Variants in CRACD observed in about 807,000 individuals in gnomAD.
CRACD encodes the protein capping protein inhibiting regulator of actin dynamics.
A neutral mutation model predicts 106.8 loss-of-function variants in CRACD; 56 were observed. The ratio of observed to expected loss-of-function variants is 0.52; its 90% CI spans 0.42 to 0.66. CRACD has a LOEUF of 0.66. Among genes scored for constraint, CRACD ranks in the 30% least tolerant of loss-of-function variants. The pLI, the probability that CRACD is intolerant of heterozygous loss-of-function variation, is 0.00. For synonymous variants in CRACD, 754 were observed against 670.8 expected, an observed-to-expected ratio of 1.12 and a Z score of -1.92; for missense variants, 1,730 against 1,623.2, an observed-to-expected ratio of 1.07 and a Z score of -1.13.
intron 1 of CRACD, among the ~76,000 whole-genome samples, chr4:56,080,462 A>G (rs1486979213): frequency 2.0e-5 from 3 of 152,242 alleles, no homozygotes; most frequent in African/African-American, 7.2e-5. Context: ...TTATGACGCA[A>G]GTCCAAAGAT....
At chr4:56,307,473 T>C in intron 4 of CRACD, 62 bp from the exon 5 acceptor site, 1 of 1,561,066 alleles carries the variant, frequency 6.4e-7, no homozygotes, top group Non-Finnish European at 8.8e-7. Context: ...CTGGAGAACC[T>C]GGTTGTGGTG....
At chr4:56,164,035 G>T (rs552248373) in intron 1 of CRACD, among the ~76,000 whole-genome samples, 3 of 150,176 alleles carry the variant, frequency 2.0e-5, no homozygotes, top group African/African-American at 4.9e-5. Context: ...GTGTGAGCCA[G>T]TGCCTGACCT....
chr4:56,215,648 G>C (rs75195010), intron 2 of CRACD, among the ~76,000 whole-genome samples: 3,037 of 152,230 alleles, frequency 0.02, 114 homozygotes, highest in African/African-American at 0.068. Context: ...GTTACACATA[G>C]AGACAGCATA....
chr4:56,162,979 AT>A (rs1431951592), intron 1 of CRACD, among the ~76,000 whole-genome samples: 1 of 152,196 alleles, frequency 6.6e-6, no homozygotes, highest in Non-Finnish European at 1.5e-5. Flanking sequence ...CATTACTTTA[AT>A]GAATGGGCAT....
intron 1 of CRACD, among the ~76,000 whole-genome samples, chr4:56,098,462 C>T (rs1733666260): frequency 6.6e-6 from 1 of 152,102 alleles, no homozygotes; most frequent in African/African-American, 2.4e-5. Context: ...TTGGGTGATT[C>T]TACAAAGTGT....
At chr4:56,055,437 T>G (rs1470735440) in intron 1 of CRACD, among the ~76,000 whole-genome samples, 1 of 132,600 alleles carries the variant, frequency 7.5e-6, no homozygotes, top group Non-Finnish European at 1.6e-5. Flanking sequence ...TCACCATTTG[T>G]GAAAGAGGAA....
chr4:56,124,528 A>C (rs918037025), intron 1 of CRACD, among the ~76,000 whole-genome samples: 1 of 152,208 alleles, frequency 6.6e-6, no homozygotes, highest in Non-Finnish European at 1.5e-5. Flanking sequence ...AATATCTAAT[A>C]TCTAGTCAGT....
At chr4:56,298,107 T>G in intron 3 of CRACD, 107 bp from the exon 4 acceptor site, 37 of 1,263,922 alleles carry the variant, frequency 2.9e-5, no homozygotes, top group Non-Finnish European at 3.5e-5. Context: ...GCTTGCCGAA[T>G]GAGACTGGGA....
At chr4:56,115,843 A>G (rs1734258210) in intron 1 of CRACD, among the ~76,000 whole-genome samples, 1 of 152,186 alleles carries the variant, frequency 6.6e-6, no homozygotes, top group African/African-American at 2.4e-5. Flanking sequence ...ACCAGTGTTA[A>G]TTGTTTTCAT....
intron 1 of CRACD, among the ~76,000 whole-genome samples, chr4:56,108,630 A>G (rs1249839613): frequency 1.3e-5 from 2 of 152,088 alleles, no homozygotes; most frequent in Non-Finnish European, 2.9e-5. Flanking sequence ...GCGCGCTGAT[A>G]TTTATTGCAT....
chr4:56,262,166 G>C (rs1375045953), intron 2 of CRACD, among the ~76,000 whole-genome samples: 1 of 152,172 alleles, frequency 6.6e-6, no homozygotes, highest in Admixed American at 6.5e-5. Context: ...CTGTGGACTT[G>C]GATGTCGGAG....
chr4:56,207,745 C>CATATAT (rs58423475), intron 2 of CRACD, among the ~76,000 whole-genome samples: 4,000 of 105,672 alleles, frequency 0.038, 70 homozygotes, highest in African/African-American at 0.058. Context: ...CTTGTTTTCT[C>CATATAT]ATATATATAT....
At chr4:56,233,654 C>T (rs530574200) in intron 2 of CRACD, among the ~76,000 whole-genome samples, 3 of 152,110 alleles carry the variant, frequency 2.0e-5, no homozygotes, top group African/African-American at 7.2e-5. Context: ...CAGTTTTGTT[C>T]ATCTTTTAAA....
Position 56,327,856 on chromosome 4 carries a change from T to A in CRACD, c.*52T>A, listed in dbSNP as rs1032760804. Reference sequence around the variant, plus strand: ...CCAGTTATTGGCTCCTCTCTTGCCCTTTTTATTTATTTATTTTTTATATGG... The same window carrying A: ...CCAGTTATTGGCTCCTCTCTTGCCCATTTTATTTATTTATTTTTTATATGG... On this transcript the variant is annotated 3_prime_UTR_variant, in exon 11 of 11. Coordinates refer to ENST00000682029, the MANE Select transcript of CRACD (RefSeq NM_001393381.1). 3 of 1,456,362 alleles carry A rather than the reference T, an allele frequency of 2.1e-6. No homozygotes were observed. The highest frequency in any genetic ancestry group is 2.8e-6 in the Non-Finnish European group (3 of 1,066,846). 90.2% of individuals were successfully genotyped at this position (1,456,362 alleles called of 1,614,324 possible).
At chr4:56,162,868 C>A (rs1211170961) in intron 1 of CRACD, among the ~76,000 whole-genome samples, 1 of 152,192 alleles carries the variant, frequency 6.6e-6, no homozygotes, top group Non-Finnish European at 1.5e-5. Flanking sequence ...TGGCAAACTT[C>A]TTCTGTAAAG....
At chr4:56,311,382 C>T (rs1025889047) in intron 6 of CRACD, 3 of 152,192 alleles carry the variant, frequency 2.0e-5, no homozygotes, top group Non-Finnish European at 2.9e-5. Flanking sequence ...ACAGTGCTGC[C>T]GCCCAGACAA....
chr4:56,169,659 G>A (rs1299823881), intron 1 of CRACD, among the ~76,000 whole-genome samples: 1 of 152,074 alleles, frequency 6.6e-6, no homozygotes, highest in Non-Finnish European at 1.5e-5. Context: ...ACCACACCCA[G>A]CTAATTTTTG....
intron 3 of CRACD, among the ~76,000 whole-genome samples, chr4:56,287,519 G>A (rs138048826): frequency 5.9e-5 from 9 of 152,174 alleles, no homozygotes; most frequent in African/African-American, 1.7e-4. Context: ...GACCTCAGGC[G>A]ATCTGCCCAC....
At position 56,317,825 on chromosome 4, in the gene CRACD, C is replaced by A. The variant is rs1270479780; in HGVS notation, c.3187+1136C>A. 2.1e-5 allele frequency among the ~76,000 whole-genome samples: 3 copies of A among 146,334 alleles called. No individual in the cohort carries two copies. In the East Asian group the frequency reaches 6.7e-4, roughly 32 times the overall value. Reference sequence around the variant, plus strand: ...AAAGAAATTTTGGAGCAAGCCTTACCTCTGGCTGACCCTGATGTTTCTTCA... The same window carrying A: ...AAAGAAATTTTGGAGCAAGCCTTACATCTGGCTGACCCTGATGTTTCTTCA... On this transcript the variant is annotated intron_variant, in intron 8 of 10. Transcript: ENST00000682029.
Sources: gnomAD v4.1 joint callset for allele counts (sites outside exome capture counted in the v4.1 genomes callset) on GRCh38, gnomAD v4.1.1 for gene constraint, MANE v1.5 for transcripts, NCBI Gene and HGNC (gene_info 2026-07-23, HGNC 2026-07-21) for gene names.